The following SPATS1 variants were observed in gnomAD, a reference collection of about 807,000 sequenced individuals.
SPATS1 encodes the protein spermatogenesis associated serine rich 1, also known as spermatogenesis-associated serine-rich protein 1.
A neutral mutation model predicts 33.6 loss-of-function variants in SPATS1; 23 were observed. That is an observed-to-expected ratio of 0.68 (90% CI 0.49 to 0.97). The LOEUF is 0.97. SPATS1 is among the 50% of genes least tolerant of loss of function. SPATS1 has a pLI of 0.00. For missense variants in SPATS1, 327 were observed against 361.0 expected (o/e 0.91, Z 0.76); for synonymous variants, 131 against 125.6 (o/e 1.04, Z -0.29).
At position 44,379,599 on chromosome 6, in the gene SPATS1, C is replaced by CA. The variant is rs55976441; in HGVS notation, c.*2564dup. Among the ~76,000 whole-genome samples the CA allele has an allele frequency of 5.1e-4, 28 of 54,740 alleles. No individual in the cohort carries two copies. Among genetic ancestry groups the CA allele is most frequent in the Admixed American group, 1.5e-3 (5 of 3,314 alleles). 35.9% of individuals were successfully genotyped at this position (54,740 alleles called of 152,430 possible). A position where few individuals can be genotyped will look rare whatever the true frequency, so the allele number is the denominator to read the frequency against. On this transcript the variant is annotated 3_prime_UTR_variant, in exon 9 of 9. Coordinates refer to ENST00000674044, the MANE Select transcript of SPATS1 (RefSeq NM_001372081.1). ...TGGGCAACAGAGTGAGACTCTGTCT[C>CA]AAAAAAAAAAAAAAAAAAAAAAAAA...
intron 7 of SPATS1, among the ~76,000 whole-genome samples, chr6:44,373,391 C>T (rs560483766): frequency 2.8e-4 from 42 of 152,268 alleles, no homozygotes; most frequent in African/African-American, 9.4e-4. Flanking sequence ...TACATTTTGT[C>T]CAGTTTTCTA....
At chr6:44,349,633 C>T (rs1036202699) in intron 2 of SPATS1, among the ~76,000 whole-genome samples, 20 of 152,110 alleles carry the variant, frequency 1.3e-4, no homozygotes, top group South Asian at 8.3e-4. Flanking sequence ...CATAAAATAA[C>T]GATGCTATTA....
chr6:44,347,062 A>G (rs967578190), intron 2 of SPATS1, among the ~76,000 whole-genome samples: 2 of 152,240 alleles, frequency 1.3e-5, no homozygotes, highest in Non-Finnish European at 2.9e-5. Context: ...GGATGAGTTC[A>G]TGTCCTTTGC....
Position 44,360,433 on chromosome 6 carries a change from GC to G in SPATS1, c.288-12del. On this transcript the variant is annotated splice_polypyrimidine_tract_variant and intron_variant, in intron 3 of 8. Transcript: ENST00000674044. ...TTTAAGCACGTGGAAGAATCCTTCT[GC>G]TTTCTTTCCAGCACCACTGCTGACT... The G allele has an allele frequency of 6.2e-7, 1 of 1,613,940 alleles. No homozygotes were observed. Among genetic ancestry groups the G allele is most frequent in the South Asian group, 1.1e-5 (1 of 91,060 alleles).
At position 44,379,251 on chromosome 6, in the gene SPATS1, TC is replaced by T. The variant is rs1561963077; in HGVS notation, c.*2191del. Among the ~76,000 whole-genome samples the T allele has an allele frequency of 6.6e-6, 1 of 152,052 alleles. No homozygotes were observed. The highest frequency in any genetic ancestry group is 2.4e-5 in the African/African-American group (1 of 41,394). On this transcript the variant is annotated 3_prime_UTR_variant, in exon 9 of 9. Transcript: ENST00000674044. The stretch of plus-strand genomic sequence containing the variant: ...GCACAGGAAACTGCTCTCAGAAGGT[TC>T]CCTGGTGTTTTGGAAGGAGGGAGTC...
chr6:44,359,921 C>T (rs1200105997), intron 3 of SPATS1, among the ~76,000 whole-genome samples: 1 of 152,032 alleles, frequency 6.6e-6, no homozygotes, highest in Non-Finnish European at 1.5e-5. Flanking sequence ...TGTTATGTAC[C>T]ACATTTTGCT....
chr6:44,365,648 T>G (rs1390740969), intron 5 of SPATS1, among the ~76,000 whole-genome samples: 1 of 152,214 alleles, frequency 6.6e-6, no homozygotes, highest in African/African-American at 2.4e-5. Context: ...GTGGCACATA[T>G]CATCTCTGCT....
intron 7 of SPATS1, among the ~76,000 whole-genome samples, chr6:44,373,781 T>C (rs769209596): frequency 6.6e-6 from 1 of 152,240 alleles, no homozygotes; most frequent in African/African-American, 2.4e-5. Flanking sequence ...GTCCCTATAA[T>C]GTGCAGTACG....
intron 2 of SPATS1, among the ~76,000 whole-genome samples, chr6:44,349,751 A>G (rs1406657117): frequency 6.6e-6 from 1 of 152,206 alleles, no homozygotes; most frequent in Non-Finnish European, 1.5e-5. Flanking sequence ...TATAGTACTC[A>G]ATGTTCATTG....
intron 1 of SPATS1, 82 bp downstream of exon 1, chr6:44,342,850 A>G (rs1787643132): frequency 1.6e-6 from 2 of 1,231,900 alleles, no homozygotes; most frequent in Non-Finnish European, 2.2e-6. Context: ...AAGAAGGAGC[A>G]CCTTGAGCTG....
At chr6:44,362,962 C>T (rs867878802) in intron 5 of SPATS1, among the ~76,000 whole-genome samples, 1 of 151,668 alleles carries the variant, frequency 6.6e-6, no homozygotes, top group Non-Finnish European at 1.5e-5. Flanking sequence ...CCTCAGCCTC[C>T]GGAGTAGATG....
chr6:44,343,942 T>G lies in SPATS1; in HGVS notation c.139+708T>G, dbSNP rs889007131. Among the ~76,000 whole-genome samples the G allele has an allele frequency of 3.3e-5, 5 of 152,188 alleles. No individual in the cohort carries two copies. The East Asian group carries it at 9.6e-4, about 29-fold the overall frequency. ...GATCTTAGCTTTCTCCCTGGTCTTC[T>G]GTATTCTGGGTGTGTGATCTCCTCA... On this transcript the variant is annotated intron_variant, in intron 2 of 8. Coordinates refer to ENST00000674044, the MANE Select transcript of SPATS1 (RefSeq NM_001372081.1).
At chr6:44,353,929 C>T (rs1304383741) in intron 3 of SPATS1, among the ~76,000 whole-genome samples, 6 of 148,580 alleles carry the variant, frequency 4.0e-5, no homozygotes, top group East Asian at 2.0e-4. Context: ...CCCAGCTATT[C>T]GGGAGGCTGA....
chr6:44,351,435 GGT>G (rs888712099), intron 2 of SPATS1, among the ~76,000 whole-genome samples: 5 of 152,156 alleles, frequency 3.3e-5, no homozygotes, highest in African/African-American at 1.2e-4. Flanking sequence ...ATACTGTGTA[GGT>G]GGAATAGTAG....
rs1790117361 is a variant in SPATS1 at position 44,379,669 on chromosome 6, G to A, written c.*2606G>A. On this transcript the variant is annotated 3_prime_UTR_variant, in exon 9 of 9. Coordinates refer to ENST00000674044, the MANE Select transcript of SPATS1 (RefSeq NM_001372081.1). ...GAAAAACAACCAAAATACAGTTTTA[G>A]AAGGTTTGGAGTAGTCTCTAGGTTT... Among the ~76,000 whole-genome samples the A allele has an allele frequency of 6.8e-6, 1 of 146,936 alleles. No individual in the cohort carries two copies. The highest frequency in any genetic ancestry group is 1.5e-5 in the Non-Finnish European group (1 of 66,826).
chr6:44,376,139 A>C (rs1789936189), intron 7 of SPATS1, among the ~76,000 whole-genome samples: 1 of 152,112 alleles, frequency 6.6e-6, no homozygotes, highest in Admixed American at 6.5e-5. Context: ...AGAGGAGCCC[A>C]GGTGATACTA....
intron 2 of SPATS1, among the ~76,000 whole-genome samples, chr6:44,347,783 A>T (rs1196579007): frequency 6.6e-6 from 1 of 152,014 alleles, no homozygotes; most frequent in Non-Finnish European, 1.5e-5. Context: ...ATACAATTTT[A>T]TTCTATTTAT....
chr6:44,354,051 A>AAC (rs1459221406), intron 3 of SPATS1, among the ~76,000 whole-genome samples: 7 of 147,118 alleles, frequency 4.8e-5, no homozygotes, highest in African/African-American at 7.5e-5. Context: ...AAAAAAAAAA[A>AAC]AACAAAAAAA....
chr6:44,360,513 C>T lies in SPATS1; in HGVS notation c.355C>T (p.Pro119Ser). ...TGATCACTCCTCTGAAATGTCGTTG[C>T]CTGAAGTCCAAAAGGATAAATATCC... The part of the protein sequence containing the change: ...HSDHSSEMSL[P>S]EVQKDKYPEE... The change falls in exon 4 of 9, where the codon CCT becomes TCT. Residue 119 changes from proline to serine, a missense_variant. By Grantham distance (74) the Pro-to-Ser change is moderately conservative (BLOSUM62 -1). Coordinates refer to ENST00000674044, the MANE Select transcript of SPATS1 (RefSeq NM_001372081.1). 6.2e-7 allele frequency: 1 copy of T among 1,614,174 alleles called. No individual in the cohort carries two copies. Among genetic ancestry groups the T allele is most frequent in the Non-Finnish European group, 8.5e-7 (1 of 1,180,042 alleles).
Sources: allele counts gnomAD v4.1 joint callset (sites outside exome capture counted in the v4.1 genomes callset), GRCh38; gene constraint gnomAD v4.1.1; transcripts MANE v1.5; gene names NCBI Gene and HGNC (gene_info 2026-07-23, HGNC 2026-07-21).